The following CTNNA2 variants were observed in gnomAD, a reference collection of about 807,000 sequenced individuals.
The protein encoded by CTNNA2 is catenin alpha 2.
In CTNNA2, 42 loss-of-function variants were observed where a neutral mutation model predicts 101.0. That is an observed-to-expected ratio of 0.42 (90% CI 0.32 to 0.54). CTNNA2 has a LOEUF of 0.54. Among genes scored for constraint, CTNNA2 ranks in the 20% least tolerant of loss-of-function variants. CTNNA2 has a pLI of 0.14. For missense variants in CTNNA2, 871 were observed against 1,223.1 expected (o/e 0.71, Z 4.29); for synonymous variants, 450 against 456.4 (o/e 0.99, Z 0.18).
chr2:79,766,291 C>T lies in CTNNA2; in HGVS notation c.298+21709C>T, dbSNP rs79995356. Among the ~76,000 whole-genome samples, 1,132 of 152,270 alleles carry T rather than the reference C, an allele frequency of 7.4e-3. 9 individuals are homozygous for T. Among genetic ancestry groups the T allele is most frequent in the African/African-American group, 0.026 (1,076 of 41,522 alleles). ...CCTTTGTGCTTGAAGGATGTTTTCA[C>T]CAGATATACTATTCTGAGGTAAAAG... On this transcript the variant is annotated intron_variant, in intron 3 of 18. Transcript: ENST00000402739.
chr2:79,809,438 C>T (rs559572158), intron 3 of CTNNA2, among the ~76,000 whole-genome samples: 17 of 152,302 alleles, frequency 1.1e-4, no homozygotes, highest in African/African-American at 2.4e-4. Flanking sequence ...TCTCCACATC[C>T]GCTCCAGCAT....
At chr2:79,403,975 A>C (rs1278476067) in intron 4 of CTNNA2, among the ~76,000 whole-genome samples, 1 of 151,972 alleles carries the variant, frequency 6.6e-6, no homozygotes, top group Non-Finnish European at 1.5e-5. Context: ...CTGGATGCTT[A>C]ATCTATTATT....
chr2:79,268,871 G>A (rs772751803), intron 2 of CTNNA2, among the ~76,000 whole-genome samples: 4 of 152,204 alleles, frequency 2.6e-5, no homozygotes, highest in Admixed American at 6.5e-5. Flanking sequence ...AGGTTTCGAT[G>A]TGTCCATTTT....
rs941724133 is a variant in CTNNA2, at chr2:80,631,270, G to C, written c.2574+12042G>C. On this transcript the variant is annotated intron_variant, in intron 18 of 18. Coordinates refer to ENST00000402739, the MANE Select transcript of CTNNA2 (RefSeq NM_001282597.3). ...TATCTTTGTTCCTTGGTTAAAAGTT[G>C]TCATCTTATTGGAAGTTAAAGGTAG... Among the ~76,000 whole-genome samples, 9 of 150,980 alleles carry C rather than the reference G, an allele frequency of 6.0e-5. No individual in the cohort carries two copies. In the South Asian group the frequency reaches 1.9e-3, roughly 32 times the overall value.
chr2:79,511,511 C>G (rs1308547299), upstream of CTNNA2, among the ~76,000 whole-genome samples: 4 of 152,144 alleles, frequency 2.6e-5, no homozygotes, highest in Non-Finnish European at 4.4e-5. Flanking sequence ...GGTAAGAGCA[C>G]GCGGTGTCAC....
chr2:79,608,244 T>A (rs1407480096), intron 1 of CTNNA2, among the ~76,000 whole-genome samples: 1 of 151,962 alleles, frequency 6.6e-6, no homozygotes, highest in Non-Finnish European at 1.5e-5. Context: ...TAGCTCTCTA[T>A]CTCTTAAAAA....
At chr2:79,252,305 A>C (rs894755951) in intron 2 of CTNNA2, among the ~76,000 whole-genome samples, 1 of 139,820 alleles carries the variant, frequency 7.2e-6, no homozygotes, top group Non-Finnish European at 1.6e-5. Context: ...TTTTTTTTTC[A>C]TACAGTAGGT....
chr2:79,926,941 G>A (rs1687060536), intron 7 of CTNNA2, among the ~76,000 whole-genome samples: 1 of 152,064 alleles, frequency 6.6e-6, no homozygotes, highest in Admixed American at 6.6e-5. Flanking sequence ...AGAGAGAGCT[G>A]GGTTGAGATA....
intron 1 of CTNNA2, among the ~76,000 whole-genome samples, chr2:79,549,955 A>G (rs1673987437): frequency 6.6e-6 from 1 of 152,164 alleles, no homozygotes; most frequent in South Asian, 2.1e-4. Context: ...TGTTTTAATT[A>G]TATAAGGGCC....
At chr2:80,105,742 A>C (rs1900267) in intron 7 of CTNNA2, among the ~76,000 whole-genome samples, 2 of 151,906 alleles carry the variant, frequency 1.3e-5, no homozygotes, top group African/African-American at 2.4e-5. Flanking sequence ...TCAAAAAAAA[A>C]AAAGATTGAA....
At chr2:80,168,890 C>A (rs1407494236) in intron 7 of CTNNA2, among the ~76,000 whole-genome samples, 1 of 152,086 alleles carries the variant, frequency 6.6e-6, no homozygotes, top group East Asian at 1.9e-4. Context: ...ACCAAATTTT[C>A]TTCTCCCTTT....
intron 7 of CTNNA2, among the ~76,000 whole-genome samples, chr2:80,181,105 C>T (rs1705749695): frequency 1.3e-5 from 2 of 152,164 alleles, no homozygotes; most frequent in African/African-American, 4.8e-5. Context: ...TCATGGGTTA[C>T]ACTCTCAACC....
chr2:80,290,901 A>G (rs904249851), intron 7 of CTNNA2, among the ~76,000 whole-genome samples: 2 of 152,222 alleles, frequency 1.3e-5, no homozygotes, highest in Non-Finnish European at 2.9e-5. Flanking sequence ...CAATGACGTA[A>G]AACACTAAAC....
intron 2 of CTNNA2, among the ~76,000 whole-genome samples, chr2:79,715,606 C>T (rs1686041758): frequency 6.6e-6 from 1 of 152,150 alleles, no homozygotes; most frequent in African/African-American, 2.4e-5. Context: ...CAAATGACTT[C>T]ACAGTGTGGG....
chr2:79,268,543 A>G (rs1053367097), intron 2 of CTNNA2, among the ~76,000 whole-genome samples: 1 of 152,120 alleles, frequency 6.6e-6, no homozygotes, highest in East Asian at 1.9e-4. Flanking sequence ...GGTGAGGGGA[A>G]CCCCAATTTA....
chr2:79,792,049 C>A (rs1046843729), intron 3 of CTNNA2, among the ~76,000 whole-genome samples: 2 of 152,254 alleles, frequency 1.3e-5, no homozygotes, highest in Admixed American at 1.3e-4. Context: ...GATGCAAATA[C>A]CAACTAGTAT....
chr2:79,217,773 T>C (rs1674285542), intron 2 of CTNNA2, among the ~76,000 whole-genome samples: 1 of 152,064 alleles, frequency 6.6e-6, no homozygotes, highest in Non-Finnish European at 1.5e-5. Flanking sequence ...AAATTGAAAA[T>C]ATAGCCTGAC....
At chr2:79,361,350 G>GAAT (rs1677624492) in intron 3 of CTNNA2, among the ~76,000 whole-genome samples, 1 of 152,080 alleles carries the variant, frequency 6.6e-6, no homozygotes, top group South Asian at 2.1e-4. Flanking sequence ...TCATCACAAT[G>GAAT]AATAGGAAGC....
chr2:79,731,188 A>G (rs1214225371), intron 2 of CTNNA2, among the ~76,000 whole-genome samples: 1 of 152,058 alleles, frequency 6.6e-6, no homozygotes, highest in African/African-American at 2.4e-5. Flanking sequence ...TATACTTAGT[A>G]GGAACAAATA....
Sources: gnomAD v4.1 joint callset for allele counts (sites outside exome capture counted in the v4.1 genomes callset) on GRCh38, gnomAD v4.1.1 for gene constraint, MANE v1.5 for transcripts, NCBI Gene and HGNC (gene_info 2026-07-23, HGNC 2026-07-21) for gene names.